APBA1: variants seen among roughly 807,000 people sequenced by gnomAD.
APBA1 encodes the protein amyloid-beta A4 precursor protein-binding family A member 1.
A neutral mutation model predicts 86.6 loss-of-function variants in APBA1; 55 were observed. The observed-to-expected ratio is 0.64, with a 90% CI of 0.51 to 0.80. The LOEUF is 0.80. Ranked by LOEUF, APBA1 falls within the 30% of genes least tolerant of loss-of-function variation. The probability of loss-of-function intolerance (pLI) is 0.00; values close to 1 mark genes in which losing one functional copy is unlikely to be tolerated. For missense variants in APBA1, 1,090 were observed against 1,183.0 expected, an observed-to-expected ratio of 0.92 and a Z score of 1.15; for synonymous variants, 511 against 493.9, an observed-to-expected ratio of 1.03 and a Z score of -0.46.
Position 69,511,257 on chromosome 9 carries a change from C to G in APBA1, c.1200+4754G>C, listed in dbSNP as rs1454367124. 4.2e-3 allele frequency among the ~76,000 whole-genome samples: 642 copies of G among 152,142 alleles called. 3 individuals are homozygous for G. Among genetic ancestry groups the G allele is most frequent in the African/African-American group, 0.012 (512 of 41,496 alleles). ...ACCAAACAACCCCATCAAAAAGTGG[C>G]CGAAGGACATGAACAGACACTTCTC... On this transcript the variant is annotated intron_variant, in intron 2 of 12. Transcript: ENST00000265381.
chr9:69,511,230 A>C (rs1836032884), intron 2 of APBA1, among the ~76,000 whole-genome samples: 1 of 152,216 alleles, frequency 6.6e-6, no homozygotes, highest in Non-Finnish European at 1.5e-5. Flanking sequence ...TTACAAGAAA[A>C]AACCAAACAA....
intron 1 of APBA1, among the ~76,000 whole-genome samples, chr9:69,525,194 T>C (rs11139104): frequency 0.2 from 30,576 of 151,930 alleles, 3,116 homozygotes; most frequent in Admixed American, 0.23. Context: ...CCCACCGTCA[T>C]CACCTATTCA....
intron 3 of APBA1, among the ~76,000 whole-genome samples, chr9:69,473,694 A>T (rs1835399372): frequency 6.6e-6 from 1 of 152,234 alleles, no homozygotes; most frequent in African/African-American, 2.4e-5. Context: ...AATTAAAAAA[A>T]TTAAAAAAAA....
chr9:69,660,846 G>A (rs1164641139), intron 1 of APBA1, among the ~76,000 whole-genome samples: 7 of 152,130 alleles, frequency 4.6e-5, no homozygotes, highest in Admixed American at 1.3e-4. Flanking sequence ...GTGGGTGGGT[G>A]CATATTTTGA....
intron 1 of APBA1, among the ~76,000 whole-genome samples, chr9:69,651,128 T>A (rs978594977): frequency 2.6e-5 from 4 of 152,216 alleles, no homozygotes. Context: ...GTATGTATCT[T>A]ACAGATATTT....
intron 1 of APBA1, among the ~76,000 whole-genome samples, chr9:69,578,514 T>C (rs1052326501): frequency 6.6e-6 from 1 of 152,224 alleles, no homozygotes. Context: ...AAAGGGGCTT[T>C]GAGGTGGCAA....
At chr9:69,533,076 T>C (rs1836457308) in intron 1 of APBA1, among the ~76,000 whole-genome samples, 1 of 152,172 alleles carries the variant, frequency 6.6e-6, no homozygotes, top group Non-Finnish European at 1.5e-5. Context: ...AATCCTATGA[T>C]ACACAAAGAA....
At chr9:69,483,033 T>C (rs1163837989) in intron 2 of APBA1, among the ~76,000 whole-genome samples, 1 of 149,068 alleles carries the variant, frequency 6.7e-6, no homozygotes, top group African/African-American at 2.5e-5. Flanking sequence ...GCCGAGTTAG[T>C]GGGTGCAGCG....
chr9:69,441,277 G>A (rs1263667975), intron 10 of APBA1, among the ~76,000 whole-genome samples, 162 bp from the exon 11 acceptor site: 2 of 152,208 alleles, frequency 1.3e-5, no homozygotes, highest in Non-Finnish European at 2.9e-5. Context: ...TACAGTCACT[G>A]CTCGGCTTCA....
chr9:69,465,472 G>C (rs957200566), intron 5 of APBA1: 13 of 152,382 alleles, frequency 8.5e-5, no homozygotes, highest in African/African-American at 1.9e-4. Flanking sequence ...TGCTCTCTCT[G>C]AGAGGTTTGT....
intron 1 of APBA1, among the ~76,000 whole-genome samples, chr9:69,658,312 T>C (rs71483565): frequency 0.22 from 15,984 of 74,050 alleles, 2,334 homozygotes; most frequent in East Asian, 0.27. Flanking sequence ...CTCTCTTTCT[T>C]TCTTTCTTTC....
intron 10 of APBA1, among the ~76,000 whole-genome samples, chr9:69,448,085 T>C (rs1220922881): frequency 6.7e-6 from 1 of 150,372 alleles, no homozygotes; most frequent in African/African-American, 2.4e-5. Flanking sequence ...TCAGACCCCA[T>C]CTCTCCCTGA....
At chr9:69,570,672 C>T (rs1202503005) in intron 1 of APBA1, among the ~76,000 whole-genome samples, 1 of 152,002 alleles carries the variant, frequency 6.6e-6, no homozygotes, top group Non-Finnish European at 1.5e-5. Context: ...AGAGAATAGC[C>T]CCCTTTGTCT....
intron 1 of APBA1, among the ~76,000 whole-genome samples, chr9:69,598,225 T>C (rs1321880609): frequency 2.0e-5 from 3 of 151,918 alleles, no homozygotes; most frequent in Non-Finnish European, 4.4e-5. Flanking sequence ...TAGGTGGGAA[T>C]TGAACAATGA....
chr9:69,606,751 C>G (rs1279992151), intron 1 of APBA1, among the ~76,000 whole-genome samples: 4 of 152,048 alleles, frequency 2.6e-5, no homozygotes, highest in African/African-American at 7.2e-5. Context: ...CTCGGCCTCC[C>G]AAAGTGCTGG....
chr9:69,602,106 CCTT>C (rs1554705463), intron 1 of APBA1, among the ~76,000 whole-genome samples: 1 of 152,000 alleles, frequency 6.6e-6, no homozygotes, highest in Non-Finnish European at 1.5e-5. Context: ...TTTATTAATC[CCTT>C]CTTTTTTCAT....
Position 69,467,840 on chromosome 9 carries a change from C to A in APBA1, c.1465G>T (p.Ala489Ser). ...KNVRMMQAQE[A>S]VSRIKMAQKL... ...GTCCTCACCTTGATCCTGCTTACGG[C>A]TTCCTGGGCCTGCATCATGCGCACG... Residue 489 changes from alanine (A) to serine (S), a missense_variant, in exon 5 of 13, where the codon GCC becomes TCC. Coordinates refer to ENST00000265381, the MANE Select transcript of APBA1 (RefSeq NM_001163.4). The A allele has an allele frequency of 1.2e-6, 2 of 1,614,202 alleles. No homozygotes were observed. The highest frequency in any genetic ancestry group is 1.7e-6 in the Non-Finnish European group (2 of 1,180,034).
chr9:69,616,195 C>T (rs1215429195), intron 1 of APBA1, among the ~76,000 whole-genome samples: 1 of 152,126 alleles, frequency 6.6e-6, no homozygotes, highest in East Asian at 1.9e-4. Flanking sequence ...TTAATTCAAC[C>T]CAATCATAGA....
chr9:69,594,247 G>C (rs1449767602), intron 1 of APBA1, among the ~76,000 whole-genome samples: 1 of 152,128 alleles, frequency 6.6e-6, no homozygotes. Context: ...GGGGTAGGGG[G>C]TGTCTTTAAA....
Sources: gnomAD v4.1 joint callset for allele counts (sites outside exome capture counted in the v4.1 genomes callset) on GRCh38, gnomAD v4.1.1 for gene constraint, MANE v1.5 for transcripts, NCBI Gene and HGNC (gene_info 2026-07-23, HGNC 2026-07-21) for gene names.